EYS: variants seen among roughly 807,000 people sequenced by gnomAD.
EYS encodes protein eyes shut homolog.
Under a neutral mutation model 282.1 loss-of-function variants are expected in EYS, and 250 were observed. The observed-to-expected ratio is 0.89, with a 90% CI of 0.80 to 0.98. The LOEUF is 0.98. Among genes scored for constraint, EYS ranks in the 50% least tolerant of loss-of-function variants. The pLI is 0.00. For synonymous variants in EYS, 1,355 were observed against 1,282.9 expected, an observed-to-expected ratio of 1.06 and a Z score of -1.20; for missense variants, 4,016 against 3,709.0, an observed-to-expected ratio of 1.08 and a Z score of -2.15.
chr6:64,543,278 G>T (rs1764744589), intron 26 of EYS, among the ~76,000 whole-genome samples: 1 of 152,066 alleles, frequency 6.6e-6, no homozygotes, highest in African/African-American at 2.4e-5. Context: ...AAAGAATCAT[G>T]AAATAATGTT....
At chr6:64,264,784 T>C (rs970706616) in intron 30 of EYS, among the ~76,000 whole-genome samples, 64 of 151,912 alleles carry the variant, frequency 4.2e-4, no homozygotes, top group African/African-American at 1.4e-3. Flanking sequence ...GGCTCCTCTA[T>C]TCTCGTCTAT....
At chr6:64,567,696 T>G (rs1401003059) in intron 26 of EYS, among the ~76,000 whole-genome samples, 1 of 152,196 alleles carries the variant, frequency 6.6e-6, no homozygotes, top group Non-Finnish European at 1.5e-5. Flanking sequence ...AACTAGAATT[T>G]AGTTAAGAAT....
intron 22 of EYS, chr6:64,733,194 C>A (rs780825247): frequency 1.3e-4 from 20 of 152,222 alleles, no homozygotes; most frequent in Non-Finnish European, 2.2e-4. Flanking sequence ...GGCCTACAGG[C>A]AATAAATTCC....
At chr6:65,235,770 A>G (rs1766906878) in intron 12 of EYS, among the ~76,000 whole-genome samples, 1 of 152,168 alleles carries the variant, frequency 6.6e-6, no homozygotes, top group African/African-American at 2.4e-5. Context: ...AAAGCAAAAT[A>G]TATACATTGT....
chr6:64,945,796 T>G lies in EYS; in HGVS notation c.2378A>C (p.Tyr793Ser). Residue 793 changes from tyrosine to serine, a missense_variant, in exon 15 of 43, where the codon TAT becomes TCT. Tyr to Ser is a moderately radical substitution (Grantham distance 144, BLOSUM62 -2). Transcript: ENST00000503581. ...AAGCTAAAAATATGTTACTCACCGA[T>G]AGCTTTTGTAAAGGTCAGTACAGGT... Reference protein sequence around the residue: ...NSTCTDLYKSYRCECTSGWTG... With the variant: ...NSTCTDLYKSSRCECTSGWTG... 1 of 1,549,258 alleles carries G rather than the reference T, an allele frequency of 6.5e-7. No individual in the cohort carries two copies. The highest frequency in any genetic ancestry group is 1.2e-5 in the South Asian group (1 of 83,902).
At chr6:65,632,479 C>A (rs1210794377) in intron 2 of EYS, among the ~76,000 whole-genome samples, 1 of 152,154 alleles carries the variant, frequency 6.6e-6, no homozygotes, top group African/African-American at 2.4e-5. Flanking sequence ...TACAAATTTT[C>A]TTCTTTTTCC....
At chr6:64,283,260 G>A (rs1255059038) in intron 30 of EYS, among the ~76,000 whole-genome samples, 1 of 151,834 alleles carries the variant, frequency 6.6e-6, no homozygotes, top group Non-Finnish European at 1.5e-5. Context: ...TTCTTGTTCT[G>A]CCTAACTAAC....
chr6:65,097,001 G>GACTA lies in EYS; in HGVS notation c.2024-39278_2024-39275dup, dbSNP rs981536817. Among the ~76,000 whole-genome samples the GACTA allele has an allele frequency of 6.0e-5, 9 of 150,846 alleles. 1 individual carries two copies. Among genetic ancestry groups the GACTA allele is most frequent in the African/African-American group, 2.2e-4 (9 of 41,264 alleles). ...AACAATAGCAAATATAAAGAATTAT[G>GACTA]ACTACATCAAAGTAAAAATCTTCTA... On this transcript the variant is annotated intron_variant, in intron 12 of 42. Transcript: ENST00000503581.
chr6:64,629,920 C>G (rs912739047), intron 22 of EYS, among the ~76,000 whole-genome samples: 26 of 152,224 alleles, frequency 1.7e-4, no homozygotes, highest in African/African-American at 5.8e-4. Flanking sequence ...CTCAGTAGGA[C>G]TTCTAGTAGG....
intron 1 of EYS, among the ~76,000 whole-genome samples, chr6:65,692,200 G>GT (rs1005154068): frequency 6.7e-6 from 1 of 150,250 alleles, no homozygotes; most frequent in Non-Finnish European, 1.5e-5. Context: ...TCACTTGTAA[G>GT]TAAGAACTAA....
chr6:64,162,597 G>A (rs1230251433), intron 31 of EYS, among the ~76,000 whole-genome samples: 2 of 152,080 alleles, frequency 1.3e-5, no homozygotes, highest in Admixed American at 6.6e-5. Flanking sequence ...TTAGGATTAG[G>A]AATTAGAACC....
intron 22 of EYS, among the ~76,000 whole-genome samples, chr6:64,745,407 T>G (rs943512953): frequency 6.1e-4 from 93 of 152,302 alleles, no homozygotes; most frequent in African/African-American, 2.1e-3. Flanking sequence ...AACTATTTTA[T>G]TAAAGTGAAA....
intron 13 of EYS, among the ~76,000 whole-genome samples, chr6:65,033,775 T>G (rs1772680325): frequency 6.6e-6 from 1 of 151,864 alleles, no homozygotes; most frequent in African/African-American, 2.4e-5. Context: ...AAAAGTGGGG[T>G]TGGAGCCTTC....
At chr6:64,690,478 G>A (rs1481860269) in intron 22 of EYS, among the ~76,000 whole-genome samples, 1 of 152,228 alleles carries the variant, frequency 6.6e-6, no homozygotes, top group Non-Finnish European at 1.5e-5. Flanking sequence ...CTATTATTGG[G>A]TATATACCCA....
At chr6:63,925,110 A>G (rs1398862939) in intron 35 of EYS, among the ~76,000 whole-genome samples, 1 of 152,226 alleles carries the variant, frequency 6.6e-6, no homozygotes, top group East Asian at 1.9e-4. Flanking sequence ...TCATTTCTGT[A>G]AAATGAAACT....
intron 19 of EYS, among the ~76,000 whole-genome samples, chr6:64,879,383 T>C (rs1766845892): frequency 6.6e-6 from 1 of 152,036 alleles, no homozygotes; most frequent in African/African-American, 2.4e-5. Context: ...TCAAGGATTT[T>C]CTCATATTAA....
intron 28 of EYS, among the ~76,000 whole-genome samples, 159 bp from the exon 29 acceptor site, chr6:64,388,999 T>C (rs1275983941): frequency 6.6e-6 from 1 of 152,112 alleles, no homozygotes. Context: ...ATTAGAATCC[T>C]TAATGCTTTA....
At chr6:64,437,715 A>ATATGAAGGC (rs570272078) in intron 27 of EYS, among the ~76,000 whole-genome samples, 1 of 151,242 alleles carries the variant, frequency 6.6e-6, no homozygotes, top group Non-Finnish European at 1.5e-5. Flanking sequence ...ACATAATTAT[A>ATATGAAGGC]TATGAAGGCT....
At chr6:65,271,434 C>A (rs1180723995) in intron 12 of EYS, among the ~76,000 whole-genome samples, 1 of 151,796 alleles carries the variant, frequency 6.6e-6, no homozygotes, top group East Asian at 1.9e-4. Context: ...GGATGGTGCC[C>A]AACCACACTG....
Sources: gnomAD v4.1 joint callset for allele counts (sites outside exome capture counted in the v4.1 genomes callset) on GRCh38, gnomAD v4.1.1 for gene constraint, MANE v1.5 for transcripts, NCBI Gene and HGNC (gene_info 2026-07-23, HGNC 2026-07-21) for gene names.